Variants in SNTG2 observed in about 807,000 individuals in gnomAD.
The protein encoded by SNTG2 is gamma-2-syntrophin.
A neutral mutation model predicts 70.9 loss-of-function variants in SNTG2; 74 were observed. That is an observed-to-expected ratio of 1.04 (90% confidence interval 0.86 to 1.27). SNTG2 has a LOEUF of 1.27. Ranked by LOEUF, SNTG2 falls within the 50% of genes most tolerant of loss-of-function variation. SNTG2 has a pLI of 0.00. For synonymous variants in SNTG2, 278 were observed against 273.8 expected, an observed-to-expected ratio of 1.02 and a Z score of -0.15; for missense variants, 717 against 690.7, an observed-to-expected ratio of 1.04 and a Z score of -0.43.
intron 8 of SNTG2, among the ~76,000 whole-genome samples, chr2:1,173,940 A>T (rs940594086): frequency 6.6e-6 from 1 of 152,266 alleles, no homozygotes; most frequent in Admixed American, 6.5e-5. Flanking sequence ...GTTTTATTAT[A>T]AATCATTCCA....
chr2:1,282,557 T>C (rs1178493015), intron 14 of SNTG2, among the ~76,000 whole-genome samples: 1 of 152,162 alleles, frequency 6.6e-6, no homozygotes, highest in Non-Finnish European at 1.5e-5. Flanking sequence ...ATCCCCAAAA[T>C]TCTACCAAAC....
chr2:1,118,777 A>G (rs922274143), intron 4 of SNTG2, among the ~76,000 whole-genome samples: 5 of 152,150 alleles, frequency 3.3e-5, no homozygotes, highest in Admixed American at 3.3e-4. Flanking sequence ...ACAGGAAGCA[A>G]TCAGATGAAG....
chr2:1,151,271 A>G (rs9798095), intron 6 of SNTG2, among the ~76,000 whole-genome samples: 4,190 of 37,504 alleles, frequency 0.11, 191 homozygotes, highest in African/African-American at 0.2. Flanking sequence ...CCAGCTCTGG[A>G]GTCAAGGTGT....
rs141211544 is a variant in SNTG2, at chr2:1,003,720, C to T, written c.72+52652C>T. On this transcript the variant is annotated intron_variant, in intron 1 of 16. Transcript: ENST00000308624. Reference sequence around the variant, plus strand: ...TGAGTTTCGGAAGGAGCTGCTGTGACGATCTATTAATAGATGGTCCCTAAT... The same window carrying T: ...TGAGTTTCGGAAGGAGCTGCTGTGATGATCTATTAATAGATGGTCCCTAAT... Among the ~76,000 whole-genome samples the T allele has an allele frequency of 9.9e-3, 1,509 of 152,252 alleles. 28 individuals are homozygous for T. The highest frequency in any genetic ancestry group is 0.034 in the African/African-American group (1,419 of 41,530).
chr2:1,180,864 T>C (rs961771538), intron 8 of SNTG2, among the ~76,000 whole-genome samples: 1 of 152,008 alleles, frequency 6.6e-6, no homozygotes, highest in African/African-American at 2.4e-5. Flanking sequence ...GTGGCACATA[T>C]GCACCATGGA....
rs1400730664 is a variant in SNTG2, at chr2:1,097,860, T to G, written c.211-336T>G. Reference sequence around the variant, plus strand: ...ACTGAGTGCTCCGCCCCACTTCCCTTTCACCACCTGGGAGAAGGTGGACCC... The same window carrying G: ...ACTGAGTGCTCCGCCCCACTTCCCTGTCACCACCTGGGAGAAGGTGGACCC... On this transcript the variant is annotated intron_variant, in intron 2 of 16. Coordinates refer to ENST00000308624, the MANE Select transcript of SNTG2 (RefSeq NM_018968.4). The surrounding 1 kb of genome is among the most constrained non-coding windows in gnomAD (Gnocchi z 4.1). Among the ~76,000 whole-genome samples, 4 of 151,786 alleles carry G rather than the reference T, an allele frequency of 2.6e-5. No homozygotes were observed. The highest frequency in any genetic ancestry group is 5.9e-5 in the Non-Finnish European group (4 of 67,980).
At chr2:1,143,583 ATTTGGC>A (rs1668892847) in intron 6 of SNTG2, among the ~76,000 whole-genome samples, 1 of 151,542 alleles carries the variant, frequency 6.6e-6, no homozygotes, top group African/African-American at 2.4e-5. Flanking sequence ...AAAATATGAT[ATTTGGC>A]CAATGTCAGT....
At chr2:1,281,227 T>TGTGTGTA (rs1572914479) in intron 14 of SNTG2, among the ~76,000 whole-genome samples, 2 of 69,498 alleles carry the variant, frequency 2.9e-5, no homozygotes, top group Non-Finnish European at 5.7e-5. Flanking sequence ...GTGTTTGTGT[T>TGTGTGTA]TATGTGGTGT....
chr2:997,567 G>A (rs547332103), intron 1 of SNTG2, among the ~76,000 whole-genome samples: 18 of 152,326 alleles, frequency 1.2e-4, no homozygotes, highest in African/African-American at 4.3e-4. Flanking sequence ...GATGGGAGCT[G>A]TGGCAGGAGT....
intron 1 of SNTG2, among the ~76,000 whole-genome samples, chr2:982,621 C>G (rs1558292785): frequency 6.6e-6 from 1 of 152,136 alleles, no homozygotes; most frequent in Non-Finnish European, 1.5e-5. Context: ...CCATGAACAC[C>G]CTTCATATTA....
At chr2:1,127,455 G>T (rs1423949661) in intron 4 of SNTG2, among the ~76,000 whole-genome samples, 1 of 151,986 alleles carries the variant, frequency 6.6e-6, no homozygotes, top group Non-Finnish European at 1.5e-5. Flanking sequence ...GTAGTTCTGC[G>T]CAAATTTTAC....
intron 1 of SNTG2, among the ~76,000 whole-genome samples, chr2:985,131 A>G (rs754380327): frequency 9.2e-5 from 14 of 152,144 alleles, no homozygotes; most frequent in Non-Finnish European, 1.9e-4. Flanking sequence ...ATTCTTAGAC[A>G]TAATGTGGCT....
chr2:1,156,658 A>G (rs1019515086), intron 6 of SNTG2, among the ~76,000 whole-genome samples: 14 of 152,176 alleles, frequency 9.2e-5, no homozygotes, highest in Admixed American at 2.6e-4. Context: ...ACCAGTGACC[A>G]TGACAGGTGA....
chr2:1,247,897 A>C (rs1340463382), intron 12 of SNTG2, among the ~76,000 whole-genome samples: 1 of 152,190 alleles, frequency 6.6e-6, no homozygotes, highest in Non-Finnish European at 1.5e-5. Flanking sequence ...TCCATAATAT[A>C]AATTTATGGC....
At chr2:985,760 C>T (rs778509983) in intron 1 of SNTG2, among the ~76,000 whole-genome samples, 5 of 151,988 alleles carry the variant, frequency 3.3e-5, no homozygotes, top group African/African-American at 4.8e-5. Flanking sequence ...TAAAGGAAGC[C>T]GACGCTGGTT....
intron 12 of SNTG2, among the ~76,000 whole-genome samples, chr2:1,253,625 A>C (rs950237801): frequency 3.9e-5 from 6 of 152,238 alleles, no homozygotes; most frequent in African/African-American, 1.4e-4. Flanking sequence ...AAGATGAGGA[A>C]GAGGAAGAAT....
At chr2:1,303,638 A>G (rs995334641) in intron 14 of SNTG2, among the ~76,000 whole-genome samples, 8 of 152,172 alleles carry the variant, frequency 5.3e-5, no homozygotes, top group African/African-American at 1.9e-4. Context: ...AAAAACAGAA[A>G]AACAGAAGAG....
At chr2:1,240,937 C>T (rs1324147257) in intron 11 of SNTG2, among the ~76,000 whole-genome samples, 3 of 152,014 alleles carry the variant, frequency 2.0e-5, no homozygotes, top group Non-Finnish European at 4.4e-5. Context: ...AATATCATTT[C>T]CCTACTATGT....
intron 1 of SNTG2, 100 bp downstream of exon 1, chr2:951,168 C>A: frequency 1.9e-6 from 1 of 539,268 alleles, no homozygotes; most frequent in Non-Finnish European, 2.8e-6. Context: ...CCCCTCGCTC[C>A]CCGCGACCCC....
Sources: gnomAD v4.1 joint callset for allele counts (sites outside exome capture counted in the v4.1 genomes callset) on GRCh38, gnomAD v4.1.1 for gene constraint, Gnocchi (gnomAD v3.1) non-coding constraint, MANE v1.5 for transcripts, NCBI Gene and HGNC (gene_info 2026-07-23, HGNC 2026-07-21) for gene names.